The following IFRD1 variants were observed in gnomAD, a reference collection of about 807,000 sequenced individuals.
IFRD1 encodes interferon-related developmental regulator 1.
IFRD1 carries 35 observed loss-of-function variants against 52.9 expected under a neutral mutation model. The observed-to-expected ratio is 0.66, with a 90% CI of 0.51 to 0.88. The LOEUF (loss-of-function observed/expected upper bound fraction) is 0.88, where lower values mean the gene tolerates loss of function less well. IFRD1 is among the 40% of genes least tolerant of loss of function. The probability of loss-of-function intolerance (pLI) is 0.00; values close to 1 mark genes in which losing one functional copy is unlikely to be tolerated. For synonymous variants in IFRD1, 184 were observed against 188.4 expected, an observed-to-expected ratio of 0.98 and a Z score of 0.19; for missense variants, 517 against 550.8, an observed-to-expected ratio of 0.94 and a Z score of 0.61.
chr7:112,450,702 A>C lies in IFRD1; in HGVS notation c.14A>C (p.Lys5Thr), dbSNP rs151204901. The change falls in exon 1 of 12, where the codon AAG becomes ACG. Residue 5 changes from lysine to threonine, a missense_variant. Physicochemically the swap from Lys to Thr is moderately conservative, Grantham distance 78 (BLOSUM62 -1). Transcript: ENST00000403825. MPKN[K>T]KRNTPHRGSS... ...GGGCGTCCCACGATGCCGAAGAACAAGAAGCGGAACACTCCCCACCGCGGT... is the reference window on the plus strand; with the variant it reads ...GGGCGTCCCACGATGCCGAAGAACACGAAGCGGAACACTCCCCACCGCGGT... 4 of 1,612,792 alleles carry C rather than the reference A, an allele frequency of 2.5e-6. No individual in the cohort carries two copies. The African/African-American group carries it at 5.3e-5, about 22-fold the overall frequency.
At chr7:112,469,888 G>A (rs974425593) in intron 9 of IFRD1, among the ~76,000 whole-genome samples, 3 of 151,106 alleles carry the variant, frequency 2.0e-5, no homozygotes, top group Admixed American at 6.6e-5. Context: ...TCCAGCCTCT[G>A]CTTCAATGCA....
At chr7:112,465,442 G>A (rs1019810774) in intron 8 of IFRD1, among the ~76,000 whole-genome samples, 8 of 152,030 alleles carry the variant, frequency 5.3e-5, no homozygotes, top group African/African-American at 1.9e-4. Flanking sequence ...CATTTAATTG[G>A]TAACTGTTAT....
At chr7:112,461,642 T>C (rs1795436278) in intron 5 of IFRD1, 1 of 316,028 alleles carries the variant, frequency 3.2e-6, no homozygotes, top group South Asian at 1.0e-4. Context: ...ATCACTTTGT[T>C]AAAGTCATGC....
At chr7:112,467,648 CT>C (rs1377223107) in intron 8 of IFRD1, 37 of 312,758 alleles carry the variant, frequency 1.2e-4, no homozygotes, top group Non-Finnish European at 1.5e-4. Context: ...AGGGTAGAAG[CT>C]ATATTGGTAT....
rs3109115 is a variant in IFRD1 at position 112,432,520 on chromosome 7, C to T, written c.-182+9088C>T. Among the ~76,000 whole-genome samples the T allele has an allele frequency of 6.7e-3, 1,020 of 152,314 alleles. 7 individuals carry two copies. Among genetic ancestry groups the T allele is most frequent in the African/African-American group, 0.023 (975 of 41,564 alleles). ...TCAGTTACAAAGAACATGCTAAGCA[C>T]CAATCTTTTACAACTTGGCTCATTT... On this transcript the variant is annotated intron_variant, in intron 1 of 12. Transcript: ENST00000005558.
chr7:112,457,802 C>CA (rs1177745375), intron 4 of IFRD1: 2 of 152,164 alleles, frequency 1.3e-5, no homozygotes, highest in Non-Finnish European at 2.9e-5. Flanking sequence ...CCTCCACTAT[C>CA]ATTATTTTAT....
At chr7:112,443,873 A>AC (rs1328403449) in intron 1 of IFRD1, among the ~76,000 whole-genome samples, 19 of 151,508 alleles carry the variant, frequency 1.3e-4, no homozygotes, top group African/African-American at 4.1e-4. Context: ...AAAAAAAAAA[A>AC]AAAACCCAAA....
At chr7:112,463,900 C>T (rs992282710) in intron 8 of IFRD1, among the ~76,000 whole-genome samples, 9 of 146,312 alleles carry the variant, frequency 6.2e-5, no homozygotes, top group South Asian at 4.3e-4. Context: ...ACACACCCCA[C>T]GTATCTTTTC....
At position 112,455,988 on chromosome 7, in the gene IFRD1, A is replaced by G. The variant is rs11773535; in HGVS notation, c.200-14A>G. On this transcript the variant is annotated splice_polypyrimidine_tract_variant and intron_variant, in intron 2 of 11. Coordinates refer to ENST00000403825, the MANE Select transcript of IFRD1 (RefSeq NM_001550.4). ...TCTTTTAAATTACGATGGCTGTTTTATATTATTTCTTAGGACCAGAAGTCC... is the reference window on the plus strand; with the variant it reads ...TCTTTTAAATTACGATGGCTGTTTTGTATTATTTCTTAGGACCAGAAGTCC... 1.3e-5 allele frequency: 20 copies of G among 1,556,728 alleles called. No homozygotes were observed. The highest frequency in any genetic ancestry group is 6.7e-5 in the Admixed American group (4 of 59,940).
At chr7:112,429,137 G>A (rs896205116) in intron 1 of IFRD1, among the ~76,000 whole-genome samples, 4 of 152,142 alleles carry the variant, frequency 2.6e-5, no homozygotes, top group East Asian at 1.9e-4. Context: ...CAATTACTCC[G>A]TTGTACTTTC....
chr7:112,474,494 T>A (rs1252061771), intron 11 of IFRD1, among the ~76,000 whole-genome samples: 8 of 152,244 alleles, frequency 5.3e-5, no homozygotes, highest in Admixed American at 5.2e-4. Context: ...ATCAGTTTTA[T>A]ATCCACATAA....
At chr7:112,427,078 G>T (rs1794444291) in intron 1 of IFRD1, among the ~76,000 whole-genome samples, 1 of 152,106 alleles carries the variant, frequency 6.6e-6, no homozygotes, top group Admixed American at 6.6e-5. Context: ...CCTTAACCTT[G>T]GCAAAATAAG....
At chr7:112,448,622 T>C (rs1584482241), upstream of IFRD1, among the ~76,000 whole-genome samples, 1 of 152,222 alleles carries the variant, frequency 6.6e-6, no homozygotes, top group South Asian at 2.1e-4. Context: ...CTGTGCTCTG[T>C]GCAGTTTACT....
chr7:112,465,549 G>A (rs1436396148), intron 8 of IFRD1, among the ~76,000 whole-genome samples: 1 of 151,144 alleles, frequency 6.6e-6, no homozygotes, highest in African/African-American at 2.4e-5. Context: ...CAAACAGGCT[G>A]TTCATAACAG....
chr7:112,455,013 C>T (rs897393418), intron 1 of IFRD1, among the ~76,000 whole-genome samples: 10 of 151,614 alleles, frequency 6.6e-5, no homozygotes, highest in Non-Finnish European at 8.8e-5. Context: ...ACTATAGGCA[C>T]GCACCACTAC....
intron 1 of IFRD1, among the ~76,000 whole-genome samples, chr7:112,439,306 G>A (rs1367803249): frequency 6.6e-6 from 1 of 152,168 alleles, no homozygotes; most frequent in Non-Finnish European, 1.5e-5. Context: ...GGACTTTTAA[G>A]GGAAGTAGGG....
intron 1 of IFRD1, among the ~76,000 whole-genome samples, chr7:112,442,774 A>G (rs1389907917): frequency 7.2e-5 from 11 of 152,214 alleles, no homozygotes; most frequent in African/African-American, 2.7e-4. Flanking sequence ...ATGCTCTAGA[A>G]CATGCTTGGT....
intron 1 of IFRD1, among the ~76,000 whole-genome samples, chr7:112,424,719 T>G (rs1009997635): frequency 6.6e-6 from 1 of 152,120 alleles, no homozygotes; most frequent in Admixed American, 6.5e-5. Flanking sequence ...CAGGCCTGTT[T>G]CAAAAAATTT....
intron 11 of IFRD1, 82 bp downstream of exon 11, chr7:112,472,943 A>G (rs1379343669): frequency 1.1e-5 from 10 of 912,646 alleles, no homozygotes; most frequent in Non-Finnish European, 1.8e-5. Flanking sequence ...AGCTGTGTCT[A>G]CCTATATGTG....
Sources: gnomAD v4.1 joint callset for allele counts (sites outside exome capture counted in the v4.1 genomes callset) on GRCh38, gnomAD v4.1.1 for gene constraint, MANE v1.5 for transcripts, NCBI Gene and HGNC (gene_info 2026-07-23, HGNC 2026-07-21) for gene names.